MROH1: variants seen among roughly 807,000 people sequenced by gnomAD.
MROH1 encodes maestro heat like repeat family member 1.
Under a neutral mutation model 116.5 loss-of-function variants are expected in MROH1, and 117 were observed. The observed-to-expected ratio is 1.00, with a 90% CI of 0.86 to 1.17. The LOEUF is 1.17. Among genes scored for constraint, MROH1 ranks in the 50% most tolerant of loss-of-function variants. The pLI is 0.00. For missense variants in MROH1, 1,873 were observed against 1,338.5 expected (o/e 1.40, Z -6.23); for synonymous variants, 921 against 583.9 (o/e 1.58, Z -8.32).
At position 144,167,174 on chromosome 8, in the gene MROH1, T is replaced by C. The variant is rs555106492; in HGVS notation, c.23-1121T>C. Among the ~76,000 whole-genome samples, 4 of 148,742 alleles carry C rather than the reference T, an allele frequency of 2.7e-5. No homozygotes were observed. In the East Asian group the frequency reaches 8.0e-4, roughly 30 times the overall value. On this transcript the variant is annotated intron_variant, in intron 3 of 43. Transcript: ENST00000326134. ...ACCAGCCTGGAGGGTCTTGTTGGGGTGGAGTGGCCGGTTGTTGGGGTGGAG... is the reference window on the plus strand; with the variant it reads ...ACCAGCCTGGAGGGTCTTGTTGGGGCGGAGTGGCCGGTTGTTGGGGTGGAG...
rs1446309078 is a variant in MROH1, at chr8:144,243,578, CACTTCACCCG to C, written c.2438_2447del (p.His813ArgfsTer9). 1 of 780,062 alleles carries C rather than the reference CACTTCACCCG, an allele frequency of 1.3e-6. No homozygotes were observed. The highest frequency in any genetic ancestry group is 2.4e-6 in the Non-Finnish European group (1 of 417,832). The allele number at this position is 780,062 out of a possible 1,614,324, so 48.3% of individuals were successfully genotyped here. On this transcript the variant is annotated frameshift_variant, in exon 25 of 44. Transcript: ENST00000326134. LOFTEE classifies it high-confidence loss of function. Reference sequence around the variant, plus strand: ...CAGCAGCACCCAGGCTGGCTCCTTCCACTTCACCCGGAAAGCAGAGCTGGTGGCACAGATG... The same window carrying C: ...CAGCAGCACCCAGGCTGGCTCCTTCCGAAAGCAGAGCTGGTGGCACAGATG...
intron 3 of MROH1, among the ~76,000 whole-genome samples, chr8:144,164,876 G>A (rs774732842): frequency 2.0e-5 from 3 of 152,214 alleles, no homozygotes; most frequent in Non-Finnish European, 4.4e-5. Context: ...AAAGGCACCG[G>A]CACATTCAAT....
chr8:144,194,863 A>AT (rs1564446414), intron 10 of MROH1, among the ~76,000 whole-genome samples: 1 of 152,032 alleles, frequency 6.6e-6, no homozygotes, highest in Non-Finnish European at 1.5e-5. Flanking sequence ...AGCCATGATC[A>AT]TGCCACTGTA....
rs970893780 is a variant in MROH1, at chr8:144,243,853, C to A, written c.2476-10C>A. Reference sequence around the variant, plus strand: ...CTCCAAGGGCTGAGTCATGCACCTGCCTCACCCAGGAGTTCATCAGGGCAG... The same window carrying A: ...CTCCAAGGGCTGAGTCATGCACCTGACTCACCCAGGAGTTCATCAGGGCAG... On this transcript the variant is annotated splice_polypyrimidine_tract_variant and intron_variant, in intron 25 of 43. Coordinates refer to ENST00000326134, the MANE Select transcript of MROH1 (RefSeq NM_032450.3). 14,135 of 777,836 alleles carry A rather than the reference C, an allele frequency of 0.018. 1,384 individuals are homozygous for A. The African/African-American group carries it at 0.21, about 12-fold the overall frequency. 48.2% of individuals were successfully genotyped at this position (777,836 alleles called of 1,614,324 possible). A position where few individuals can be genotyped will look rare whatever the true frequency, so the allele number is the denominator to read the frequency against.
intron 32 of MROH1, among the ~76,000 whole-genome samples, chr8:144,249,495 G>A (rs1842475279): frequency 6.6e-6 from 1 of 152,146 alleles, no homozygotes; most frequent in Non-Finnish European, 1.5e-5. Flanking sequence ...CCATGGCTGA[G>A]GGTGGAGAGG....
chr8:144,242,088 C>CCTTGA lies in MROH1; in HGVS notation c.2179-279_2179-275dup, dbSNP rs1374829933. The stretch of plus-strand genomic sequence containing the variant: ...CTGACTCTCTCACGTGGCTGTGCTG[C>CCTTGA]CTTGACCCTCGGCCCTCTGCTACCT... On this transcript the variant is annotated intron_variant, in intron 22 of 43. Transcript: ENST00000326134. The CCTTGA allele has an allele frequency of 1.8e-5, 10 of 553,334 alleles. No homozygotes were observed. In the African/African-American group the frequency reaches 1.9e-4, roughly 10 times the overall value. 34.3% of individuals were successfully genotyped at this position (553,334 alleles called of 1,614,324 possible). A position where few individuals can be genotyped will look rare whatever the true frequency, so the allele number is the denominator to read the frequency against.
intron 14 of MROH1, among the ~76,000 whole-genome samples, chr8:144,224,951 G>A (rs1837512836): frequency 6.6e-6 from 1 of 152,062 alleles, no homozygotes; most frequent in Non-Finnish European, 1.5e-5. Flanking sequence ...AGAAACATGA[G>A]TTAAAGATTA....
chr8:144,164,006 A>G (rs957027913), intron 3 of MROH1, among the ~76,000 whole-genome samples, 158 bp downstream of exon 3: 3 of 151,642 alleles, frequency 2.0e-5, no homozygotes, highest in Non-Finnish European at 4.4e-5. Context: ...GTGATGTGGC[A>G]GGTGTAGACT....
chr8:144,249,578 A>G (rs1355023012), intron 32 of MROH1, among the ~76,000 whole-genome samples: 6 of 152,148 alleles, frequency 3.9e-5, no homozygotes, highest in African/African-American at 1.4e-4. Flanking sequence ...AGTGAGGCTC[A>G]TGCTATGCTG....
intron 1 of MROH1, among the ~76,000 whole-genome samples, chr8:144,153,721 G>A (rs1430907364): frequency 1.1e-4 from 17 of 152,212 alleles, no homozygotes; most frequent in Admixed American, 5.9e-4. Flanking sequence ...CTCTGGATGC[G>A]TACTCAGGAT....
At chr8:144,176,885 C>T (rs185268672) in intron 4 of MROH1, among the ~76,000 whole-genome samples, 27 of 151,788 alleles carry the variant, frequency 1.8e-4, no homozygotes, top group Middle Eastern at 3.4e-3. Context: ...AGTCTGCCTG[C>T]AGAAGCCTTA....
At chr8:144,175,461 A>T in intron 4 of MROH1, 1 of 982,054 alleles carries the variant, frequency 1.0e-6, no homozygotes, top group Non-Finnish European at 1.2e-6. Context: ...AGACCAATTT[A>T]CACTGATTTT....
chr8:144,251,238 C>T (rs1842801469), intron 33 of MROH1: 1 of 154,164 alleles, frequency 6.5e-6, no homozygotes, highest in South Asian at 2.0e-4. Context: ...GACCCGCAGG[C>T]ACCTTCTGCT....
chr8:144,203,464 AAGG>A (rs1832124425), intron 12 of MROH1, among the ~76,000 whole-genome samples: 1 of 138,540 alleles, frequency 7.2e-6, no homozygotes, highest in Non-Finnish European at 1.6e-5. Context: ...TCTGGAGGGG[AAGG>A]GAGGGAAGCG....
intron 4 of MROH1, chr8:144,175,395 C>T: frequency 2.8e-6 from 2 of 713,924 alleles, no homozygotes; most frequent in Non-Finnish European, 3.4e-6. Context: ...TAAATGCCCA[C>T]TTGCTGTACC....
chr8:144,177,757 GGTT>G (rs755046760), intron 4 of MROH1, among the ~76,000 whole-genome samples: 7 of 137,474 alleles, frequency 5.1e-5, no homozygotes, highest in Admixed American at 7.8e-5. Context: ...CAGGAGATCT[GGTT>G]GTTTGAAAGC....
At chr8:144,178,140 T>TG (rs150393106) in intron 4 of MROH1, among the ~76,000 whole-genome samples, 4,108 of 146,818 alleles carry the variant, frequency 0.028, 72 homozygotes, top group Admixed American at 0.044. Flanking sequence ...TTGTTTTTTG[T>TG]GTTTTTTTTT....
intron 10 of MROH1, among the ~76,000 whole-genome samples, chr8:144,198,080 A>AACAAGGAG (rs1830348770): frequency 6.6e-6 from 1 of 151,804 alleles, no homozygotes; most frequent in Non-Finnish European, 1.5e-5. Flanking sequence ...AAAAATAAAT[A>AACAAGGAG]ACAAGGAGCT....
chr8:144,222,083 G>T (rs1836883760), intron 13 of MROH1, among the ~76,000 whole-genome samples: 1 of 102,948 alleles, frequency 9.7e-6, no homozygotes, highest in Non-Finnish European at 2.5e-5. Context: ...CAGATTTATG[G>T]TACACCCCAG....
Sources: allele counts gnomAD v4.1 joint callset (sites outside exome capture counted in the v4.1 genomes callset), GRCh38; gene constraint gnomAD v4.1.1; transcripts MANE v1.5; gene names NCBI Gene and HGNC (gene_info 2026-07-23, HGNC 2026-07-21).